PLCL1: variants seen among roughly 807,000 people sequenced by gnomAD.
PLCL1 encodes phospholipase C like 1 (inactive), also known as inactive phospholipase C-like protein 1.
A neutral mutation model predicts 84.4 loss-of-function variants in PLCL1; 41 were observed. The ratio of observed to expected loss-of-function variants is 0.49; its 90% CI spans 0.38 to 0.63. The LOEUF (loss-of-function observed/expected upper bound fraction) is 0.63, where lower values mean the gene tolerates loss of function less well. PLCL1 is among the 30% of genes least tolerant of loss of function. PLCL1 has a pLI of 0.00. For missense variants in PLCL1, 1,206 were observed against 1,367.8 expected, an observed-to-expected ratio of 0.88 and a Z score of 1.87; for synonymous variants, 490 against 488.3, an observed-to-expected ratio of 1.00 and a Z score of -0.05.
At chr2:197,960,691 ACTGGCACAGCCACAT>A (rs1689599744) in intron 1 of PLCL1, among the ~76,000 whole-genome samples, 1 of 152,116 alleles carries the variant, frequency 6.6e-6, no homozygotes, top group Admixed American at 6.6e-5. Context: ...GTGCAGTATG[ACTGGCACAGCCACAT>A]CTTTTCTTTT....
intron 1 of PLCL1, among the ~76,000 whole-genome samples, chr2:197,884,736 G>A (rs982740468): frequency 2.0e-5 from 3 of 151,934 alleles, no homozygotes; most frequent in African/African-American, 7.3e-5. Context: ...TCCTGAAATC[G>A]GAACCCTCTA....
chr2:197,987,144 A>G (rs1011756146), intron 1 of PLCL1, among the ~76,000 whole-genome samples: 2 of 152,246 alleles, frequency 1.3e-5, no homozygotes, highest in African/African-American at 4.8e-5. Context: ...AGGAGAGAAC[A>G]TAGAGACCTT....
intron 1 of PLCL1, among the ~76,000 whole-genome samples, chr2:198,079,031 T>G (rs1270511269): frequency 6.6e-6 from 1 of 152,054 alleles, no homozygotes; most frequent in Non-Finnish European, 1.5e-5. Context: ...ATTGAAATAA[T>G]TTGATATTTT....
chr2:198,012,352 C>A (rs1690887707), intron 1 of PLCL1, among the ~76,000 whole-genome samples: 1 of 152,106 alleles, frequency 6.6e-6, no homozygotes, highest in Admixed American at 6.6e-5. Context: ...TGCTGCACTC[C>A]TAATATATCC....
intron 3 of PLCL1, among the ~76,000 whole-genome samples, chr2:198,092,926 TA>T (rs1245632732): frequency 6.6e-6 from 1 of 152,178 alleles, no homozygotes; most frequent in African/African-American, 2.4e-5. Flanking sequence ...AAACAATAAA[TA>T]AAAGCATCTA....
At chr2:197,809,682 T>C (rs1343416141) in intron 1 of PLCL1, among the ~76,000 whole-genome samples, 1 of 152,018 alleles carries the variant, frequency 6.6e-6, no homozygotes, top group East Asian at 1.9e-4. Flanking sequence ...CTGCAGACAG[T>C]GGAGTTTGTG....
Position 198,101,286 on chromosome 2 carries a change from T to C in PLCL1, c.2921T>C (p.Met974Thr), listed in dbSNP as rs768661096. Residue 974 changes from methionine (M) to threonine (T), a missense_variant and splice_region_variant, in exon 4 of 6, where the codon ATG becomes ACG. Physicochemically the swap from Met to Thr is moderately conservative, Grantham distance 81. Transcript: ENST00000428675. ...QKKMLTAYDL[M>T]IQESRFLIEM... ...TTTTTGATGTTTATTTTGTAACAGA[T>C]GATTCAAGAGAGCCGGTTTCTCATA... The C allele has an allele frequency of 1.3e-6, 2 of 1,584,776 alleles. No homozygotes were observed. The highest frequency in any genetic ancestry group is 1.7e-6 in the Non-Finnish European group (2 of 1,155,262).
intron 1 of PLCL1, among the ~76,000 whole-genome samples, chr2:198,005,146 CA>C (rs1320713078): frequency 1.3e-5 from 2 of 152,214 alleles, no homozygotes; most frequent in Non-Finnish European, 2.9e-5. Context: ...CCCTCACTTC[CA>C]CCCTCCTTTA....
Position 198,149,324 on chromosome 2 carries a change from GT to G in PLCL1, c.*2366del, listed in dbSNP as rs1346308635. 1 of 152,232 alleles carries G rather than the reference GT, an allele frequency of 6.6e-6. No homozygotes were observed. Among genetic ancestry groups the G allele is most frequent in the African/African-American group, 2.4e-5 (1 of 41,398 alleles). 9.4% of individuals were successfully genotyped at this position (152,232 alleles called of 1,614,324 possible). ...GATTTGGTGATGCTAGGAATGTAGT[GT>G]TTTAGATATTAATTCTATTTTTATT... On this transcript the variant is annotated 3_prime_UTR_variant, in exon 6 of 6. Coordinates refer to ENST00000428675, the MANE Select transcript of PLCL1 (RefSeq NM_006226.4).
chr2:197,949,527 T>C (rs890055437), intron 1 of PLCL1, among the ~76,000 whole-genome samples: 6 of 152,104 alleles, frequency 3.9e-5, no homozygotes, highest in Non-Finnish European at 7.4e-5. Flanking sequence ...GAAAATACCT[T>C]GATAATTCAC....
intron 1 of PLCL1, among the ~76,000 whole-genome samples, chr2:197,962,953 CA>C (rs1689653308): frequency 6.6e-6 from 1 of 152,090 alleles, no homozygotes; most frequent in Non-Finnish European, 1.5e-5. Flanking sequence ...ATATGCACCA[CA>C]TTTTCTTTAT....
intron 4 of PLCL1, 84 bp from the exon 5 acceptor site, chr2:198,103,743 T>C (rs1183185896): frequency 1.6e-6 from 1 of 637,782 alleles, no homozygotes; most frequent in African/African-American, 1.9e-5. Flanking sequence ...TGTGAAATTA[T>C]ATTTTACTGA....
chr2:197,819,127 C>T (rs1019120388), intron 1 of PLCL1, among the ~76,000 whole-genome samples: 2 of 152,048 alleles, frequency 1.3e-5, no homozygotes, highest in South Asian at 2.1e-4. Flanking sequence ...GAAAACCAAC[C>T]CAGTGGGGCC....
Position 197,923,085 on chromosome 2 carries a change from C to T in PLCL1, c.240+117746C>T, listed in dbSNP as rs1276771692. ...GCGGCTGGCCGGGCGGAGGGCTGAC[C>T]CCCCCACCTCCCTACCGGACGGGGC... On this transcript the variant is annotated intron_variant, in intron 1 of 5. Transcript: ENST00000428675. 9.0e-5 allele frequency among the ~76,000 whole-genome samples: 12 copies of T among 133,666 alleles called. No homozygotes were observed. The South Asian group carries it at 3.0e-3, about 33-fold the overall frequency. 87.7% of individuals were successfully genotyped at this position (133,666 alleles called of 152,430 possible). A position where few individuals can be genotyped will look rare whatever the true frequency, so the allele number is the denominator to read the frequency against.
At chr2:198,089,738 G>A (rs1444378431) in intron 3 of PLCL1, among the ~76,000 whole-genome samples, 1 of 152,182 alleles carries the variant, frequency 6.6e-6, no homozygotes, top group Non-Finnish European at 1.5e-5. Flanking sequence ...TAGGAAATAA[G>A]GGGAGAATGG....
chr2:197,874,627 A>G (rs551746266), intron 1 of PLCL1, among the ~76,000 whole-genome samples: 141 of 152,284 alleles, frequency 9.3e-4, no homozygotes, highest in Non-Finnish European at 9.6e-4. Flanking sequence ...GCACAAATTA[A>G]ATATTAAGTT....
chr2:197,899,785 G>A (rs1279159915), intron 1 of PLCL1, among the ~76,000 whole-genome samples: 1 of 151,392 alleles, frequency 6.6e-6, no homozygotes, highest in Admixed American at 6.6e-5. Context: ...ACAGGCGCCC[G>A]CTACCACGCC....
chr2:197,917,812 A>T (rs1688625382), intron 1 of PLCL1, among the ~76,000 whole-genome samples: 2 of 152,204 alleles, frequency 1.3e-5, no homozygotes, highest in Admixed American at 1.3e-4. Flanking sequence ...AAAACAAAAC[A>T]ATAACAACAA....
At chr2:197,869,489 T>C (rs752121584) in intron 1 of PLCL1, among the ~76,000 whole-genome samples, 2 of 152,152 alleles carry the variant, frequency 1.3e-5, no homozygotes, top group African/African-American at 2.4e-5. Flanking sequence ...AATAATACTA[T>C]TTCTGGCTTC....
Sources: gnomAD v4.1 joint callset for allele counts (sites outside exome capture counted in the v4.1 genomes callset) on GRCh38, gnomAD v4.1.1 for gene constraint, MANE v1.5 for transcripts, NCBI Gene and HGNC (gene_info 2026-07-23, HGNC 2026-07-21) for gene names.